PRKG1: variants seen among roughly 807,000 people sequenced by gnomAD.
PRKG1 encodes protein kinase cGMP-dependent 1.
PRKG1 carries 35 observed loss-of-function variants against 88.1 expected under a neutral mutation model. That is an observed-to-expected ratio of 0.40 (90% CI 0.30 to 0.53). The LOEUF is 0.53. PRKG1 is among the 20% of genes least tolerant of loss of function. The probability of loss-of-function intolerance (pLI) is 0.59; values close to 1 mark genes in which losing one functional copy is unlikely to be tolerated. For missense variants in PRKG1, 540 were observed against 839.8 expected (o/e 0.64, Z 4.41); for synonymous variants, 303 against 292.5 (o/e 1.04, Z -0.37).
At chr10:51,323,708 C>T (rs1841510846) in intron 2 of PRKG1, among the ~76,000 whole-genome samples, 1 of 152,198 alleles carries the variant, frequency 6.6e-6, no homozygotes, top group African/African-American at 2.4e-5. Context: ...GTGGCTTCCA[C>T]CTGTAATCCC....
chr10:51,500,096 T>G (rs988439898), intron 3 of PRKG1, among the ~76,000 whole-genome samples: 1 of 152,264 alleles, frequency 6.6e-6, no homozygotes, highest in African/African-American at 2.4e-5. Context: ...TATTTTTTTA[T>G]TGTTCATGAA....
At chr10:52,290,344 C>T (rs1842212200) in intron 17 of PRKG1, 54 bp downstream of exon 17, 2 of 1,403,568 alleles carry the variant, frequency 1.4e-6, no homozygotes, top group South Asian at 2.5e-5. Flanking sequence ...GTGTTTATGT[C>T]AGTCAACAAT....
chr10:51,750,509 G>A (rs1327252615), intron 3 of PRKG1, among the ~76,000 whole-genome samples: 3 of 152,146 alleles, frequency 2.0e-5, no homozygotes, highest in Non-Finnish European at 4.4e-5. Context: ...GTAGGTGCCA[G>A]GCAATGAGCT....
chr10:51,577,304 T>C lies in PRKG1; in HGVS notation c.592+109468T>C, dbSNP rs939552634. ...ATGTAAAAAGCAAAAATATTTCCCA[T>C]GTAGTATTACCATAAAAAGCAGTAA... On this transcript the variant is annotated intron_variant, in intron 3 of 17. Coordinates refer to ENST00000373980, the MANE Select transcript of PRKG1 (RefSeq NM_006258.4). Among the ~76,000 whole-genome samples the C allele has an allele frequency of 2.0e-5, 3 of 152,162 alleles. No homozygotes were observed. The East Asian group carries it at 5.8e-4, about 29-fold the overall frequency.
intron 4 of PRKG1, among the ~76,000 whole-genome samples, chr10:51,887,022 A>G (rs1489309927): frequency 6.6e-6 from 1 of 152,156 alleles, no homozygotes; most frequent in Non-Finnish European, 1.5e-5. Flanking sequence ...AGTCTCACTC[A>G]GTCACCCAGG....
intron 2 of PRKG1, among the ~76,000 whole-genome samples, chr10:51,441,195 T>C (rs139704357): frequency 0.013 from 1,912 of 152,046 alleles, 18 homozygotes; most frequent in Middle Eastern, 0.024. Context: ...AACTTAACAC[T>C]GAAGGCCTAA....
rs185213027 is a variant in PRKG1 at position 51,083,216 on chromosome 10, C to T, written c.311+8315C>T. On this transcript the variant is annotated intron_variant, in intron 1 of 17. Coordinates refer to ENST00000373980, the MANE Select transcript of PRKG1 (RefSeq NM_006258.4). ...AAGGACCTGGGGCACACAAAAGTGG[C>T]AGCAGCTCTGTTCAGTGGGTAAGTT... Among the ~76,000 whole-genome samples the T allele has an allele frequency of 9.3e-4, 142 of 152,284 alleles. 1 individual carries two copies. Among genetic ancestry groups the T allele is most frequent in the African/African-American group, 3.3e-3 (136 of 41,566 alleles).
At chr10:51,336,256 C>T (rs10996937) in intron 2 of PRKG1, among the ~76,000 whole-genome samples, 3 of 151,746 alleles carry the variant, frequency 2.0e-5, no homozygotes, top group East Asian at 1.9e-4. Flanking sequence ...AGGAGGCTGA[C>T]GCAGGAGAAT....
chr10:52,188,830 A>G (rs1414998041), intron 9 of PRKG1, among the ~76,000 whole-genome samples: 7 of 152,166 alleles, frequency 4.6e-5, no homozygotes, highest in Non-Finnish European at 1.0e-4. Context: ...CTAGTAATGT[A>G]CTGGTAGTAT....
At chr10:51,171,285 T>C (rs1220818374) in intron 2 of PRKG1, among the ~76,000 whole-genome samples, 1 of 152,140 alleles carries the variant, frequency 6.6e-6, no homozygotes, top group African/African-American at 2.4e-5. Flanking sequence ...CGTGTGCTTA[T>C]TTATTGTATC....
intron 2 of PRKG1, among the ~76,000 whole-genome samples, chr10:51,312,683 ATG>A (rs34906561): frequency 2.9e-4 from 43 of 150,844 alleles, no homozygotes; most frequent in African/African-American, 8.7e-4. Context: ...AGATGGATAT[ATG>A]TGTGTGTGTG....
Position 52,018,042 on chromosome 10 carries a change from A to AT in PRKG1, c.763-36436dup, listed in dbSNP as rs1845088380. Among the ~76,000 whole-genome samples, 5 of 151,386 alleles carry AT rather than the reference A, an allele frequency of 3.3e-5. No individual in the cohort carries two copies. The South Asian group carries it at 1.0e-3, about 31-fold the overall frequency. On this transcript the variant is annotated intron_variant, in intron 5 of 17. Coordinates refer to ENST00000373980, the MANE Select transcript of PRKG1 (RefSeq NM_006258.4). ...GCATCGATTTGCCTAATTACGCAGT[A>AT]TTTTTTGGCCATCCACAGTTGTCAT...
chr10:52,055,450 TTATTTC>T (rs1348389296), intron 6 of PRKG1, among the ~76,000 whole-genome samples: 1 of 152,198 alleles, frequency 6.6e-6, no homozygotes, highest in African/African-American at 2.4e-5. Context: ...AAATCATACT[TTATTTC>T]TAAAACTTTT....
At chr10:51,261,977 C>T (rs1169789326) in intron 2 of PRKG1, among the ~76,000 whole-genome samples, 1 of 149,224 alleles carries the variant, frequency 6.7e-6, no homozygotes, top group Non-Finnish European at 1.5e-5. Flanking sequence ...AGCTCTGCCT[C>T]CCGGGTTCAC....
intron 2 of PRKG1, among the ~76,000 whole-genome samples, chr10:51,462,624 G>C (rs913108985): frequency 5.3e-5 from 8 of 152,132 alleles, no homozygotes; most frequent in Non-Finnish European, 1.0e-4. Context: ...TCATTCCAGA[G>C]CATAAATGGG....
intron 4 of PRKG1, among the ~76,000 whole-genome samples, chr10:51,864,041 T>C (rs556139241): frequency 7.9e-5 from 12 of 152,270 alleles, no homozygotes; most frequent in Non-Finnish European, 1.5e-4. Flanking sequence ...CAGCATCCCA[T>C]TGGATTAGGG....
chr10:52,203,087 G>C (rs958358291), intron 9 of PRKG1, among the ~76,000 whole-genome samples: 2 of 151,948 alleles, frequency 1.3e-5, no homozygotes, highest in East Asian at 3.9e-4. Flanking sequence ...TGTTTATCTA[G>C]TTCCTCTAGA....
intron 9 of PRKG1, among the ~76,000 whole-genome samples, chr10:52,167,013 T>C (rs1026850912): frequency 6.6e-6 from 1 of 151,598 alleles, no homozygotes; most frequent in Non-Finnish European, 1.5e-5. Context: ...GTACTTATAG[T>C]GCATTTTCAA....
At chr10:52,031,177 C>G (rs1203107784) in intron 5 of PRKG1, among the ~76,000 whole-genome samples, 1 of 152,150 alleles carries the variant, frequency 6.6e-6, no homozygotes, top group East Asian at 1.9e-4. Flanking sequence ...AACGCTGTTG[C>G]CTGTGAATTT....
Sources: allele counts gnomAD v4.1 joint callset (sites outside exome capture counted in the v4.1 genomes callset), GRCh38; gene constraint gnomAD v4.1.1; transcripts MANE v1.5; gene names NCBI Gene and HGNC (gene_info 2026-07-23, HGNC 2026-07-21).